The following ATP9A variants were observed in gnomAD, a reference collection of about 807,000 sequenced individuals.
ATP9A encodes the protein ATPase phospholipid transporting 9A, also known as probable phospholipid-transporting ATPase IIA.
ATP9A carries 52 observed loss-of-function variants against 144.1 expected under a neutral mutation model. That is an observed-to-expected ratio of 0.36 (90% CI 0.29 to 0.45). The LOEUF (loss-of-function observed/expected upper bound fraction) is 0.45, where lower values mean the gene tolerates loss of function less well. ATP9A is among the 20% of genes least tolerant of loss of function. The probability of loss-of-function intolerance (pLI) is 1.00; values close to 1 mark genes in which losing one functional copy is unlikely to be tolerated. For missense variants in ATP9A, 947 were observed against 1,392.7 expected (o/e 0.68, Z 5.09); for synonymous variants, 582 against 557.4 (o/e 1.04, Z -0.62).
rs1601086267 is a variant in ATP9A at position 51,656,946 on chromosome 20, G to C, written c.1498C>G (p.Pro500Ala). 6.2e-7 allele frequency: 1 copy of C among 1,613,706 alleles called. No homozygotes were observed. The highest frequency in any genetic ancestry group is 1.3e-5 in the African/African-American group (1 of 75,040). Residue 500 changes from proline to alanine, a missense_variant, in exon 14 of 28, where the codon CCC (proline) becomes GCC (alanine). Around this residue, in one of 2 missense-constraint regions of ATP9A, gnomAD observed 770 missense variants for 1,047.9 expected, o/e 0.73. Transcript: ENST00000338821. Reference protein sequence around the residue: ...DSCRVYQASSPDEVALVQWTE... With the variant: ...DSCRVYQASSADEVALVQWTE... ...CACCTGCCCAGGTTTACCTCATCGG[G>C]GCTGGATGCCTGGTATACGCGGCAG...
rs2077129073 is a variant in ATP9A, at chr20:51,598,585, G to A, written c.*2626C>T. 6.6e-6 allele frequency: 1 copy of A among 152,148 alleles called. No homozygotes were observed. Among genetic ancestry groups the A allele is most frequent in the Admixed American group, 6.5e-5 (1 of 15,278 alleles). The allele number at this position is 152,148 out of a possible 1,614,324, so 9.4% of individuals were successfully genotyped here. On this transcript the variant is annotated 3_prime_UTR_variant, in exon 28 of 28. Transcript: ENST00000338821. ...GAGAGTTTCTTGTATAGTAACTCTA[G>A]TTTCTTGTTTGCTTATTTCTTTGTC...
intron 4 of ATP9A, among the ~76,000 whole-genome samples, chr20:51,710,034 G>A (rs2077631114): frequency 6.6e-6 from 1 of 152,098 alleles, no homozygotes; most frequent in Non-Finnish European, 1.5e-5. Context: ...GGGCACAGTG[G>A]TTCACACCTG....
rs905031773 is a variant in ATP9A, at chr20:51,599,488, T to A, written c.*1723A>T. On this transcript the variant is annotated 3_prime_UTR_variant, in exon 28 of 28. Coordinates refer to ENST00000338821, the MANE Select transcript of ATP9A (RefSeq NM_006045.3). Reference sequence around the variant, plus strand: ...CAATACATCTTTTCTGCCGACCTTTTCCCTCTGGCAGAAATGGCTGAATCA... The same window carrying A: ...CAATACATCTTTTCTGCCGACCTTTACCCTCTGGCAGAAATGGCTGAATCA... The A allele has an allele frequency of 6.6e-6, 1 of 152,184 alleles. No individual in the cohort carries two copies. Among genetic ancestry groups the A allele is most frequent in the Non-Finnish European group, 1.5e-5 (1 of 68,034 alleles). 9.4% of individuals were successfully genotyped at this position (152,184 alleles called of 1,614,324 possible).
At chr20:51,635,579 C>T (rs2077287261) in intron 15 of ATP9A, among the ~76,000 whole-genome samples, 1 of 151,408 alleles carries the variant, frequency 6.6e-6, no homozygotes, top group Non-Finnish European at 1.5e-5. Context: ...CTTCACTAAA[C>T]GATAAGAATT....
rs148587521 is a variant in ATP9A, at chr20:51,759,021, C to G, written c.68+9281G>C. Among the ~76,000 whole-genome samples, 87 of 152,362 alleles carry G rather than the reference C, an allele frequency of 5.7e-4. No individual in the cohort carries two copies. The East Asian group carries it at 0.012, about 21-fold the overall frequency. The stretch of plus-strand genomic sequence containing the variant: ...TCAGAGTCCCTCTGTGGGTTTGCAA[C>G]AACACATCTTCTGGTCTCCACGTGG... On this transcript the variant is annotated intron_variant, in intron 1 of 27. Coordinates refer to ENST00000338821, the MANE Select transcript of ATP9A (RefSeq NM_006045.3).
intron 12 of ATP9A, 132 bp from the exon 13 acceptor site, chr20:51,670,241 GAAGA>G: frequency 1.5e-6 from 1 of 671,630 alleles, no homozygotes; most frequent in Non-Finnish European, 2.6e-6. Flanking sequence ...CCCTGCTGGG[GAAGA>G]CACCTGCAGC....
chr20:51,629,262 C>G (rs2077261643), intron 15 of ATP9A, among the ~76,000 whole-genome samples, 190 bp from the exon 16 acceptor site: 1 of 152,192 alleles, frequency 6.6e-6, no homozygotes, highest in South Asian at 2.1e-4. Context: ...AAAAGGAAAA[C>G]TCAAAGCACT....
rs112972806 is a variant in ATP9A, at chr20:51,726,056, A to G, written c.214-124T>C. The G allele has an allele frequency of 2.5e-3, 1,666 of 665,014 alleles. 19 individuals carry two copies. The highest frequency in any genetic ancestry group is 0.024 in the African/African-American group (1,336 of 55,532). 41.2% of individuals were successfully genotyped at this position (665,014 alleles called of 1,614,324 possible). On this transcript the variant is annotated intron_variant, in intron 2 of 27. Coordinates refer to ENST00000338821, the MANE Select transcript of ATP9A (RefSeq NM_006045.3). ...CAGCCAGGCGTGGTGGTTCACGCCT[A>G]TAATCCCAGAACTTTGGGAGGCCGA...
chr20:51,747,145 A>T (rs923829465), intron 1 of ATP9A, among the ~76,000 whole-genome samples: 1 of 150,026 alleles, frequency 6.7e-6, no homozygotes. Flanking sequence ...ACAAAACCTA[A>T]GTCAGGAAGG....
chr20:51,680,269 G>A (rs939586621), intron 9 of ATP9A, among the ~76,000 whole-genome samples: 68 of 149,718 alleles, frequency 4.5e-4, no homozygotes, highest in African/African-American at 1.6e-3. Flanking sequence ...TGCACATAGT[G>A]TGGCTGCATA....
intron 3 of ATP9A, among the ~76,000 whole-genome samples, chr20:51,719,777 T>C (rs985919349): frequency 2.1e-5 from 3 of 145,678 alleles, no homozygotes; most frequent in African/African-American, 5.2e-5. Flanking sequence ...CTGGGCACAG[T>C]GGCTCACGCC....
rs568867828 is a variant in ATP9A at position 51,720,771 on chromosome 20, C to T, written c.327+5048G>A. Among the ~76,000 whole-genome samples the T allele has an allele frequency of 3.9e-5, 6 of 152,262 alleles. No individual in the cohort carries two copies. In the East Asian group the frequency reaches 9.7e-4, roughly 25 times the overall value. On this transcript the variant is annotated intron_variant, in intron 3 of 27. Coordinates refer to ENST00000338821, the MANE Select transcript of ATP9A (RefSeq NM_006045.3). Reference sequence around the variant, plus strand: ...ATCGTTTGAACCCGGGAGGTGATGGCTACAGTGAGCCGATATCGCGCCATT... The same window carrying T: ...ATCGTTTGAACCCGGGAGGTGATGGTTACAGTGAGCCGATATCGCGCCATT...
intron 14 of ATP9A, among the ~76,000 whole-genome samples, chr20:51,652,324 T>C (rs2077370020): frequency 6.6e-6 from 1 of 152,242 alleles, no homozygotes; most frequent in Admixed American, 6.5e-5. Flanking sequence ...AACTGGAATG[T>C]GCACAGGAAA....
intron 1 of ATP9A, among the ~76,000 whole-genome samples, chr20:51,738,043 T>C (rs1185804503): frequency 1.3e-5 from 2 of 151,760 alleles, no homozygotes; most frequent in Non-Finnish European, 2.9e-5. Context: ...TTTTTTTTTT[T>C]TTTGAGACAG....
At chr20:51,647,599 A>G (rs967454575) in intron 14 of ATP9A, among the ~76,000 whole-genome samples, 4 of 152,030 alleles carry the variant, frequency 2.6e-5, no homozygotes, top group African/African-American at 4.8e-5. Context: ...GCATGGTGGC[A>G]TATGCCTATA....
intron 7 of ATP9A, 92 bp downstream of exon 7, chr20:51,693,916 T>C (rs888444724): frequency 1.8e-6 from 2 of 1,122,270 alleles, no homozygotes; most frequent in Admixed American, 2.0e-5. Flanking sequence ...ACTTCACAAG[T>C]TGCCATCCCA....
chr20:51,666,368 G>T (rs952435631), intron 13 of ATP9A, among the ~76,000 whole-genome samples: 1 of 152,076 alleles, frequency 6.6e-6, no homozygotes, highest in African/African-American at 2.4e-5. Flanking sequence ...CTAGCCCAGG[G>T]GTTCCAAAGG....
chr20:51,739,094 G>A (rs17793245), intron 1 of ATP9A, among the ~76,000 whole-genome samples: 35,266 of 151,934 alleles, frequency 0.23, 4,227 homozygotes, highest in South Asian at 0.39. Context: ...GGAGGGACGC[G>A]TGTGAACCAC....
chr20:51,705,715 C>T (rs1395967419), intron 4 of ATP9A, among the ~76,000 whole-genome samples: 1 of 152,194 alleles, frequency 6.6e-6, no homozygotes, highest in Non-Finnish European at 1.5e-5. Flanking sequence ...TTCCTCACCA[C>T]CTGTGATAAT....
Sources: allele counts gnomAD v4.1 joint callset (sites outside exome capture counted in the v4.1 genomes callset), GRCh38; gene constraint gnomAD v4.1.1; regional missense constraint gnomAD v4.1.1; transcripts MANE v1.5; gene names NCBI Gene and HGNC (gene_info 2026-07-23, HGNC 2026-07-21).